HNF1A: variants seen among roughly 807,000 people sequenced by gnomAD.
HNF1A encodes hepatocyte nuclear factor 1-alpha.
HNF1A carries 21 observed loss-of-function variants against 62.2 expected under a neutral mutation model. The observed-to-expected ratio is 0.34, with a 90% CI of 0.24 to 0.49. HNF1A has a LOEUF of 0.49. HNF1A is among the 20% of genes least tolerant of loss of function. HNF1A has a pLI of 0.99. For missense variants in HNF1A, 687 were observed against 832.3 expected (o/e 0.83, Z 2.15); for synonymous variants, 374 against 366.8 (o/e 1.02, Z -0.22).
intron 1 of HNF1A, among the ~76,000 whole-genome samples, chr12:120,982,993 CTG>C (rs1224184967): frequency 1.3e-5 from 2 of 152,178 alleles, no homozygotes; most frequent in Non-Finnish European, 2.9e-5. Context: ...GATGCGGAAA[CTG>C]AGGCACACGG....
At chr12:120,993,751 G>A (rs781646721) in intron 3 of HNF1A, 45 bp downstream of exon 3, 18 of 1,595,880 alleles carry the variant, frequency 1.1e-5, no homozygotes, top group Middle Eastern at 1.7e-4. Context: ...TCTGGGCTGC[G>A]GCAAGGCCAG....
chr12:120,983,950 T>TGTGTG (rs1382795865), intron 1 of HNF1A, among the ~76,000 whole-genome samples: 28 of 55,096 alleles, frequency 5.1e-4, no homozygotes, highest in African/African-American at 1.4e-3. Context: ...GTGTGTGTGT[T>TGTGTG]TGTGTAAGAG....
intron 1 of HNF1A, among the ~76,000 whole-genome samples, chr12:120,984,700 C>T (rs1593050743): frequency 6.6e-6 from 1 of 151,478 alleles, no homozygotes; most frequent in Non-Finnish European, 1.5e-5. Context: ...CTAGGAGCCC[C>T]GGAAAGAAGG....
At chr12:120,989,053 G>T in intron 2 of HNF1A, 21 bp downstream of exon 2, 1 of 1,612,076 alleles carries the variant, frequency 6.2e-7, no homozygotes. Context: ...ACCCTACCCC[G>T]CATCTTCCCT....
rs998134164 is a variant in HNF1A, at chr12:121,001,262, C to T, written c.*70C>T. 14 of 1,578,820 alleles carry T rather than the reference C, an allele frequency of 8.9e-6. No homozygotes were observed. The African/African-American group carries it at 1.6e-4, about 18-fold the overall frequency. On this transcript the variant is annotated 3_prime_UTR_variant, in exon 10 of 10. Coordinates refer to ENST00000257555, the MANE Select transcript of HNF1A (RefSeq NM_000545.8). ...TGATGAGGGCAGCAGCCAGCCCTGC[C>T]TGGAGGACCTGAGCCTGCCGAGCAA...
intron 1 of HNF1A, chr12:120,980,828 GGAGAAGCAGAAC>G (rs1876215454): frequency 6.6e-6 from 1 of 152,362 alleles, no homozygotes; most frequent in South Asian, 2.1e-4. Context: ...AGAGAAGCTG[GGAGAAGCAGAAC>G]GGAGGAGCCA....
rs2135842980 is a variant in HNF1A at position 120,994,484 on chromosome 12, T to A, written c.955+79T>A. 2.0e-6 allele frequency: 3 copies of A among 1,493,188 alleles called. 1 individual carries two copies. Among genetic ancestry groups the A allele is most frequent in the Non-Finnish European group, 2.7e-6 (3 of 1,105,732 alleles). The allele number at this position is 1,493,188 out of a possible 1,614,324, so 92.5% of individuals were successfully genotyped here. Reference sequence around the variant, plus strand: ...GACTGTCCCAGTGACAGCAGTCACCTAAACCTCTTTGCACTTCAGTTTGGT... The same window carrying A: ...GACTGTCCCAGTGACAGCAGTCACCAAAACCTCTTTGCACTTCAGTTTGGT... On this transcript the variant is annotated intron_variant, in intron 4 of 9. Coordinates refer to ENST00000257555, the MANE Select transcript of HNF1A (RefSeq NM_000545.8).
chr12:120,984,360 G>GAGAA (rs1223836486), intron 1 of HNF1A, among the ~76,000 whole-genome samples: 7 of 152,038 alleles, frequency 4.6e-5, no homozygotes, highest in Non-Finnish European at 1.0e-4. Flanking sequence ...GAGAGAGAGA[G>GAGAA]AAAGAAACAG....
At chr12:120,983,006 A>C (rs1876329810) in intron 1 of HNF1A, among the ~76,000 whole-genome samples, 2 of 152,206 alleles carry the variant, frequency 1.3e-5, no homozygotes, top group African/African-American at 4.8e-5. Flanking sequence ...AGGCACACGG[A>C]GGTTAAGCAA....
At chr12:120,983,467 T>G (rs1876350412) in intron 1 of HNF1A, among the ~76,000 whole-genome samples, 1 of 152,094 alleles carries the variant, frequency 6.6e-6, no homozygotes, top group Admixed American at 6.5e-5. Context: ...GAACCCACAT[T>G]GGTTTGACTC....
At chr12:121,000,578 C>T (rs1877388024) in intron 9 of HNF1A, 2 of 224,042 alleles carry the variant, frequency 8.9e-6, no homozygotes, top group Admixed American at 5.2e-5. Context: ...GCTGGCAGCT[C>T]TGGGGAGTGA....
intron 2 of HNF1A, among the ~76,000 whole-genome samples, chr12:120,990,078 C>A (rs1876735006): frequency 6.6e-6 from 1 of 151,904 alleles, no homozygotes; most frequent in African/African-American, 2.4e-5. Flanking sequence ...ACCTTCCAAC[C>A]TCCATCTATG....
chr12:120,996,851 G>A lies in HNF1A; in HGVS notation c.1309+109G>A, dbSNP rs140494289. ...ACTCATTCATTCATTCATACAACAT[G>A]TATTTATCCAGTGCCTACTCTGGAC... On this transcript the variant is annotated intron_variant, in intron 6 of 9. Transcript: ENST00000257555. The surrounding 1 kb of genome is among the most constrained non-coding windows in gnomAD (Gnocchi z 4.5). The A allele has an allele frequency of 1.1e-4, 74 of 646,176 alleles. No homozygotes were observed. In the African/African-American group the frequency reaches 1.2e-3, roughly 10 times the overall value. 40.0% of individuals were successfully genotyped at this position (646,176 alleles called of 1,614,324 possible).
chr12:120,984,368 C>G (rs1876406989), intron 1 of HNF1A, among the ~76,000 whole-genome samples: 1 of 151,482 alleles, frequency 6.6e-6, no homozygotes, highest in Non-Finnish European at 1.5e-5. Context: ...GAGAAAGAAA[C>G]AGACAGACAT....
In HNF1A at chr12:120,978,761, G is replaced by A. The variant is rs1876078474; in HGVS notation, c.-8G>A. 1 of 1,612,456 alleles carries A rather than the reference G, an allele frequency of 6.2e-7. No homozygotes were observed. Among genetic ancestry groups the A allele is most frequent in the Non-Finnish European group, 8.5e-7 (1 of 1,179,710 alleles). Reference sequence around the variant, plus strand: ...ACCCGGGCCGCGTGGCCCTGTGGCAGCCGAGCCATGGTTTCTAAACTGAGC... The same window carrying A: ...ACCCGGGCCGCGTGGCCCTGTGGCAACCGAGCCATGGTTTCTAAACTGAGC... On this transcript the variant is annotated 5_prime_UTR_variant, in exon 1 of 10. Coordinates refer to ENST00000257555, the MANE Select transcript of HNF1A (RefSeq NM_000545.8).
chr12:120,991,007 G>A (rs2135835944), intron 2 of HNF1A, among the ~76,000 whole-genome samples: 1 of 152,260 alleles, frequency 6.6e-6, no homozygotes, highest in Admixed American at 6.5e-5. Flanking sequence ...AGAGATTGAT[G>A]GATCTCATTC....
intron 1 of HNF1A, 72 bp from the exon 2 acceptor site, chr12:120,988,760 AC>A: frequency 7.1e-7 from 1 of 1,415,780 alleles, no homozygotes; most frequent in Non-Finnish European, 9.9e-7. Context: ...AGGTTCCAGC[AC>A]CCAGGACCGC....
chr12:120,992,050 T>G (rs1275608504), intron 2 of HNF1A, among the ~76,000 whole-genome samples: 1 of 152,188 alleles, frequency 6.6e-6, no homozygotes, highest in African/African-American at 2.4e-5. Context: ...AGAGTCAATA[T>G]ATGACTGTAG....
chr12:120,999,558 G>T lies in HNF1A; in HGVS notation c.1699G>T (p.Val567Phe). The T allele has an allele frequency of 1.2e-6, 2 of 1,612,764 alleles. No homozygotes were observed. The highest frequency in any genetic ancestry group is 1.7e-6 in the Non-Finnish European group (2 of 1,179,798). ...GGCATCTCAGGCCACCACCCTCCAC[G>T]TCCCCAGCCAGGACCCTGCCAGCAT... ...TPASQATTLHVPSQDPASIQH... is the reference protein window; with the variant it reads ...TPASQATTLHFPSQDPASIQH... Residue 567 changes from valine to phenylalanine, a missense_variant, in exon 9 of 10, where the codon GTC (valine) becomes TTC (phenylalanine). Physicochemically the swap from Val to Phe is conservative, Grantham distance 50 (BLOSUM62 -1). Around this residue, in one of 5 missense-constraint regions of HNF1A, gnomAD observed 408 missense variants for 455.3 expected, o/e 0.90. Transcript: ENST00000257555.
Sources: allele counts gnomAD v4.1 joint callset (sites outside exome capture counted in the v4.1 genomes callset), GRCh38; gene constraint gnomAD v4.1.1; regional missense constraint gnomAD v4.1.1; non-coding constraint Gnocchi (gnomAD v3.1); transcripts MANE v1.5; gene names NCBI Gene and HGNC (gene_info 2026-07-23, HGNC 2026-07-21).